Variants in PCDH15 observed in about 807,000 individuals in gnomAD.
PCDH15 encodes protocadherin related 15, also known as protocadherin-15.
A neutral mutation model predicts 178.5 loss-of-function variants in PCDH15; 129 were observed. The observed-to-expected ratio is 0.72, with a 90% confidence interval of 0.63 to 0.84. PCDH15 has a LOEUF of 0.84. Among genes scored for constraint, PCDH15 ranks in the 40% least tolerant of loss-of-function variants. The pLI, the probability that PCDH15 is intolerant of heterozygous loss-of-function variation, is 0.00. For synonymous variants in PCDH15, 800 were observed against 732.0 expected, an observed-to-expected ratio of 1.09 and a Z score of -1.50; for missense variants, 2,230 against 2,099.9, an observed-to-expected ratio of 1.06 and a Z score of -1.21.
At chr10:55,179,699 C>T (rs766668252) in intron 1 of PCDH15, among the ~76,000 whole-genome samples, 23 of 151,950 alleles carry the variant, frequency 1.5e-4, no homozygotes, top group Non-Finnish European at 7.4e-5. Flanking sequence ...GTACCCTATT[C>T]CTCTTGGTTG....
intron 2 of PCDH15, among the ~76,000 whole-genome samples, chr10:54,545,943 A>C (rs2085804237): frequency 6.6e-6 from 1 of 152,232 alleles, no homozygotes; most frequent in African/African-American, 2.4e-5. Flanking sequence ...CTCATGACAC[A>C]AGAACATAAA....
chr10:53,896,382 T>C (rs1341364591), intron 26 of PCDH15, among the ~76,000 whole-genome samples: 9 of 152,210 alleles, frequency 5.9e-5, no homozygotes, highest in Non-Finnish European at 1.2e-4. Context: ...ACATAGTTGC[T>C]TTTTTACAGT....
intron 15 of PCDH15, among the ~76,000 whole-genome samples, chr10:54,123,317 TAAAC>T (rs941465496): frequency 6.6e-4 from 101 of 152,072 alleles, no homozygotes; most frequent in African/African-American, 2.4e-3. Flanking sequence ...CTTAAAGAAT[TAAAC>T]AAGCAAAAAC....
At chr10:54,311,326 GA>G (rs1259387422) in intron 8 of PCDH15, among the ~76,000 whole-genome samples, 1 of 151,864 alleles carries the variant, frequency 6.6e-6, no homozygotes, top group African/African-American at 2.4e-5. Context: ...CACTGCAAAA[GA>G]AAAAACAGCC....
rs552427028 is a variant in PCDH15 at position 54,741,302 on chromosome 10, C to G, written c.-29+59623G>C. Among the ~76,000 whole-genome samples, 5 of 151,482 alleles carry G rather than the reference C, an allele frequency of 3.3e-5. No individual in the cohort carries two copies. In the South Asian group the frequency reaches 1.0e-3, roughly 32 times the overall value. On this transcript the variant is annotated intron_variant, in intron 1 of 37. Transcript: ENST00000644397. ...ACATATAAAAATAAAGCCATGCATA[C>G]ATATTTAGTAACTAAAAATGTACTC...
intron 28 of PCDH15, among the ~76,000 whole-genome samples, chr10:53,848,929 C>T (rs2078158093): frequency 6.6e-6 from 1 of 152,014 alleles, no homozygotes. Context: ...TAAAACTAAA[C>T]ACATAGTGTT....
chr10:54,781,321 C>A (rs1566231412), intron 1 of PCDH15, among the ~76,000 whole-genome samples: 1 of 152,012 alleles, frequency 6.6e-6, no homozygotes, highest in Non-Finnish European at 1.5e-5. Flanking sequence ...CCCTAGCCCA[C>A]CATCCCCCGA....
intron 9 of PCDH15, among the ~76,000 whole-genome samples, chr10:54,215,477 TAG>T (rs1346696406): frequency 1.3e-5 from 2 of 152,072 alleles, no homozygotes; most frequent in African/African-American, 2.4e-5. Flanking sequence ...CAGAAAATCA[TAG>T]AGTTTCATAC....
At chr10:54,964,885 TCTCAGCAGTCAG>T (rs1838743802) in intron 2 of PCDH15, among the ~76,000 whole-genome samples, 1 of 152,190 alleles carries the variant, frequency 6.6e-6, no homozygotes, top group Non-Finnish European at 1.5e-5. Flanking sequence ...GATAATGTAT[TCTCAGCAGTCAG>T]AAAGAGCAGC....
intron 2 of PCDH15, among the ~76,000 whole-genome samples, chr10:54,985,359 T>TATACATATGCATAA (rs1257437308): frequency 3.5e-4 from 54 of 152,300 alleles, no homozygotes; most frequent in African/African-American, 1.2e-3. Context: ...TGTATGCATA[T>TATACATATGCATAA]ATACATATGC....
intron 26 of PCDH15, among the ~76,000 whole-genome samples, chr10:53,901,492 C>T (rs926192355): frequency 6.6e-6 from 1 of 152,142 alleles, no homozygotes; most frequent in Non-Finnish European, 1.5e-5. Flanking sequence ...TTTTCCTGGA[C>T]TCGTCATGCA....
chr10:55,069,828 T>C (rs938282337), intron 2 of PCDH15, among the ~76,000 whole-genome samples: 1 of 151,096 alleles, frequency 6.6e-6, no homozygotes, highest in African/African-American at 2.4e-5. Context: ...GTATTTCTAG[T>C]TCTAGATCCC....
chr10:54,954,806 G>A (rs1838439445), intron 2 of PCDH15, among the ~76,000 whole-genome samples: 1 of 151,404 alleles, frequency 6.6e-6, no homozygotes, highest in South Asian at 2.1e-4. Context: ...AAAGAAGGAA[G>A]TTGATTAGTA....
At chr10:55,616,103 GC>G (rs1843468157) in intron 2 of PCDH15, among the ~76,000 whole-genome samples, 1 of 152,132 alleles carries the variant, frequency 6.6e-6, no homozygotes, top group Non-Finnish European at 1.5e-5. Context: ...CCATTACCAT[GC>G]AGCAAAGTTG....
At chr10:54,592,071 T>C (rs1212851790) in intron 2 of PCDH15, among the ~76,000 whole-genome samples, 4 of 152,178 alleles carry the variant, frequency 2.6e-5, no homozygotes, top group Non-Finnish European at 4.4e-5. Context: ...AGCAGCATCT[T>C]ACATTTGTGA....
chr10:54,362,662 A>G (rs1364541697), intron 5 of PCDH15, among the ~76,000 whole-genome samples: 1 of 152,066 alleles, frequency 6.6e-6, no homozygotes. Context: ...GCGTCTAGAA[A>G]AACCTTTCAA....
intron 2 of PCDH15, among the ~76,000 whole-genome samples, chr10:55,399,751 C>T (rs891385143): frequency 6.6e-6 from 1 of 152,030 alleles, no homozygotes; most frequent in Non-Finnish European, 1.5e-5. Flanking sequence ...ATTGATTCTT[C>T]ATCATATCGG....
At chr10:54,108,692 C>A (rs2094960012) in intron 15 of PCDH15, among the ~76,000 whole-genome samples, 1 of 152,132 alleles carries the variant, frequency 6.6e-6, no homozygotes, top group Non-Finnish European at 1.5e-5. Flanking sequence ...ACCCCTCCCT[C>A]AACCCCAGGC....
intron 2 of PCDH15, among the ~76,000 whole-genome samples, chr10:55,586,895 C>G (rs1335443960): frequency 6.6e-6 from 1 of 151,934 alleles, no homozygotes; most frequent in Admixed American, 6.6e-5. Flanking sequence ...CATTTGTATT[C>G]CTATTGAATG....
Sources: gnomAD v4.1 joint callset for allele counts (sites outside exome capture counted in the v4.1 genomes callset) on GRCh38, gnomAD v4.1.1 for gene constraint, MANE v1.5 for transcripts, NCBI Gene and HGNC (gene_info 2026-07-23, HGNC 2026-07-21) for gene names.